Variants in TXLNB observed in about 807,000 individuals in gnomAD.
The protein encoded by TXLNB is beta-taxilin.
A neutral mutation model predicts 57.4 loss-of-function variants in TXLNB; 37 were observed. That is an observed-to-expected ratio of 0.64 (90% CI 0.50 to 0.85). The LOEUF (loss-of-function observed/expected upper bound fraction) is 0.85, where lower values mean the gene tolerates loss of function less well. TXLNB is among the 40% of genes least tolerant of loss of function. TXLNB has a pLI of 0.00. For synonymous variants in TXLNB, 302 were observed against 309.6 expected (o/e 0.98, Z 0.26); for missense variants, 848 against 825.6 (o/e 1.03, Z -0.33).
intron 7 of TXLNB, among the ~76,000 whole-genome samples, chr6:139,248,222 G>A (rs113988335): frequency 0.043 from 6,496 of 151,004 alleles, 201 homozygotes; most frequent in Non-Finnish European, 0.069. Flanking sequence ...GCAGTGAGCC[G>A]AGATCGTGCC....
rs148695222 is a variant in TXLNB at position 139,288,525 on chromosome 6, G to A, written c.375C>T (p.Pro125=). Residue 125 remains proline, a synonymous_variant, in exon 2 of 10, where the codon CCC becomes CCT. Transcript: ENST00000358430. ...ASGEPPTVKE[P]VSNKEQKLEK... ...CCAATTTTTGCTCCTTATTGCTGACGGGCTCTTTGACAGTGGGTGGCTCTC... is the reference window on the plus strand; with the variant it reads ...CCAATTTTTGCTCCTTATTGCTGACAGGCTCTTTGACAGTGGGTGGCTCTC... 4.2e-5 allele frequency: 68 copies of A among 1,614,024 alleles called. No homozygotes were observed. The South Asian group carries it at 6.3e-4, about 15-fold the overall frequency.
chr6:139,295,438 A>G (rs1171603088), upstream of TXLNB, among the ~76,000 whole-genome samples: 1 of 152,240 alleles, frequency 6.6e-6, no homozygotes, highest in East Asian at 1.9e-4. Context: ...GTTTACGCAA[A>G]TATCACAGGA....
chr6:139,222,191 C>T, the TXLNB span, among the ~76,000 whole-genome samples: 1 of 151,844 alleles, frequency 6.6e-6, no homozygotes, highest in African/African-American at 2.4e-5. Flanking sequence ...TAAAACAAGA[C>T]TCTATATTGT....
rs776285187 is a variant in TXLNB, at chr6:139,284,484, C to T, written c.424+3992G>A. 3.5e-5 allele frequency among the ~76,000 whole-genome samples: 5 copies of T among 144,922 alleles called. 1 individual carries two copies. The highest frequency in any genetic ancestry group is 6.1e-5 in the Non-Finnish European group (4 of 65,228). ...TGGAGGTTGTAGTGAGCCGAAATCG[C>T]GCCACTGCACTCCAGCCTGGCAACA... On this transcript the variant is annotated intron_variant, in intron 2 of 9. Transcript: ENST00000358430.
chr6:139,176,336 A>T, the TXLNB span, among the ~76,000 whole-genome samples: 1 of 152,216 alleles, frequency 6.6e-6, no homozygotes, highest in African/African-American at 2.4e-5. This position sits in a 1 kb window ranked among gnomAD's most constrained non-coding sequence, Gnocchi z 4.5. Flanking sequence ...GTACATTTTT[A>T]AAATGAGTCT....
intron 4 of TXLNB, among the ~76,000 whole-genome samples, chr6:139,269,472 C>T (rs1776704160): frequency 6.6e-6 from 1 of 152,160 alleles, no homozygotes; most frequent in Admixed American, 6.5e-5. Flanking sequence ...GACAAGACGC[C>T]AGTAGCACAT....
chr6:139,293,654 G>A (rs923419114), upstream of TXLNB, among the ~76,000 whole-genome samples: 7 of 151,874 alleles, frequency 4.6e-5, no homozygotes, highest in African/African-American at 1.7e-4. Flanking sequence ...AAGATGTTAT[G>A]GCAACAAAAG....
chr6:139,290,681 G>A (rs1178832115), intron 1 of TXLNB, among the ~76,000 whole-genome samples: 2 of 152,168 alleles, frequency 1.3e-5, no homozygotes, highest in Non-Finnish European at 2.9e-5. Context: ...CACTTCTAGA[G>A]TTGCAATAGA....
At chr6:139,275,952 G>A (rs1404079303) in intron 3 of TXLNB, among the ~76,000 whole-genome samples, 2 of 152,188 alleles carry the variant, frequency 1.3e-5, no homozygotes, top group African/African-American at 4.8e-5. Flanking sequence ...AGTCTCTTAA[G>A]TTGCATTCTC....
chr6:139,242,552 C>T lies in TXLNB; in HGVS notation c.2029G>A (p.Asp677Asn). The T allele has an allele frequency of 6.6e-7, 1 of 1,509,892 alleles. No homozygotes were observed. The highest frequency in any genetic ancestry group is 8.8e-7 in the Non-Finnish European group (1 of 1,131,584). The allele number at this position is 1,509,892 out of a possible 1,614,324, so 93.5% of individuals were successfully genotyped here. A position where few individuals can be genotyped will look rare whatever the true frequency, so the allele number is the denominator to read the frequency against. The change falls in exon 10 of 10, where the codon GAC becomes AAC. Residue 677 changes from aspartate (D) to asparagine (N), a missense_variant. Coordinates refer to ENST00000358430, the MANE Select transcript of TXLNB (RefSeq NM_153235.4). ...SAGPQPRNVA[D>N]TNLEGVD The stretch of plus-strand genomic sequence containing the variant: ...TAGTCGACGCCTTCCAGATTGGTGT[C>T]AGCCACGTTGCGCGGCTGGGGCCCA...
chr6:139,206,421 C>G, the TXLNB span, among the ~76,000 whole-genome samples: 7 of 152,156 alleles, frequency 4.6e-5, no homozygotes, highest in Admixed American at 3.9e-4. Flanking sequence ...GTAATCCCAG[C>G]ACTTTGGGAG....
At chr6:139,210,227 G>A in the TXLNB span, among the ~76,000 whole-genome samples, 1 of 152,100 alleles carries the variant, frequency 6.6e-6, no homozygotes, top group Non-Finnish European at 1.5e-5. Context: ...TTGGAGGGGG[G>A]TGTGGTGAGA....
the TXLNB span, among the ~76,000 whole-genome samples, chr6:139,194,336 T>A: frequency 6.6e-6 from 1 of 152,168 alleles, no homozygotes; most frequent in South Asian, 2.1e-4. Context: ...AGGGAGTGAA[T>A]GATTTTGAAT....
chr6:139,182,022 G>C, the TXLNB span, among the ~76,000 whole-genome samples: 1 of 152,196 alleles, frequency 6.6e-6, no homozygotes, highest in African/African-American at 2.4e-5. Context: ...TTGATCGTAT[G>C]CTTCTTCATT....
At chr6:139,191,203 G>C in the TXLNB span, among the ~76,000 whole-genome samples, 1 of 151,986 alleles carries the variant, frequency 6.6e-6, no homozygotes, top group Non-Finnish European at 1.5e-5. Context: ...GCGGATCACC[G>C]AGGTCAGGAG....
the TXLNB span, among the ~76,000 whole-genome samples, chr6:139,309,943 TGGA>T: frequency 1.3e-5 from 2 of 152,160 alleles, no homozygotes; most frequent in African/African-American, 4.8e-5. Flanking sequence ...AGAATGAAAT[TGGA>T]CTCTTGTCTT....
chr6:139,261,635 C>A (rs1776484646), intron 5 of TXLNB, among the ~76,000 whole-genome samples: 1 of 151,982 alleles, frequency 6.6e-6, no homozygotes, highest in Non-Finnish European at 1.5e-5. Context: ...ATAACCTATT[C>A]AAAGTAAAAG....
chr6:139,179,448 C>T, the TXLNB span: 1 of 152,048 alleles, frequency 6.6e-6, no homozygotes, highest in Non-Finnish European at 1.5e-5. Flanking sequence ...GGCTTTCTAC[C>T]CCCTGAACAA....
the TXLNB span, among the ~76,000 whole-genome samples, chr6:139,196,365 G>GGTTT: frequency 2.6e-5 from 1 of 38,966 alleles, no homozygotes; most frequent in South Asian, 6.6e-4. Flanking sequence ...TCCAGATCTG[G>GGTTT]TTTTTTTTTT....
Sources: gnomAD v4.1 joint callset for allele counts (sites outside exome capture counted in the v4.1 genomes callset) on GRCh38, gnomAD v4.1.1 for gene constraint, Gnocchi (gnomAD v3.1) non-coding constraint, MANE v1.5 for transcripts, NCBI Gene and HGNC (gene_info 2026-07-23, HGNC 2026-07-21) for gene names.